Variants in CFAP74 observed in about 807,000 individuals in gnomAD.
CFAP74 encodes the protein cilia- and flagella-associated protein 74.
A neutral mutation model predicts 188.9 loss-of-function variants in CFAP74; 124 were observed. The observed-to-expected ratio is 0.66, with a 90% CI of 0.57 to 0.76. The LOEUF (loss-of-function observed/expected upper bound fraction) is 0.76, where lower values mean the gene tolerates loss of function less well. Ranked by LOEUF, CFAP74 falls within the 30% of genes least tolerant of loss-of-function variation. CFAP74 has a pLI of 0.00. For synonymous variants in CFAP74, 956 were observed against 916.7 expected, an observed-to-expected ratio of 1.04 and a Z score of -0.77; for missense variants, 2,198 against 2,165.2, an observed-to-expected ratio of 1.02 and a Z score of -0.30.
At chr1:1,946,833 G>A (rs966366769) in intron 19 of CFAP74, among the ~76,000 whole-genome samples, 157 bp downstream of exon 19, 6 of 152,242 alleles carry the variant, frequency 3.9e-5, no homozygotes, top group African/African-American at 1.2e-4. Context: ...AGGCCTGGAG[G>A]CTGCAAGTCC....
chr1:1,969,370 G>A (rs1255389092), intron 10 of CFAP74, among the ~76,000 whole-genome samples: 3 of 118,118 alleles, frequency 2.5e-5, no homozygotes, highest in African/African-American at 9.9e-5. Flanking sequence ...GACCTTCCCA[G>A]TCCAGCCCTG....
Position 1,946,392 on chromosome 1 carries a change from G to A in CFAP74, c.2289C>T (p.Ile763=), listed in dbSNP as rs988130762. 41 of 1,537,014 alleles carry A rather than the reference G, an allele frequency of 2.7e-5. No homozygotes were observed. Among genetic ancestry groups the A allele is most frequent in the Non-Finnish European group, 3.4e-5 (39 of 1,146,886 alleles). ...CGCCTGGGACGACCGGAGTGAAGAC[G>A]ATGGGCACCTTGATGGAGCTGAAGG... ...IGPFSSIKVP[I]VFTPVVPGDV... The change falls in exon 20 of 39, where the codon ATC becomes ATT. Residue 763 remains isoleucine (I), a synonymous_variant. Transcript: ENST00000682832.
chr1:1,971,179 ACACG>A (rs1656000029), intron 9 of CFAP74, among the ~76,000 whole-genome samples: 1 of 151,472 alleles, frequency 6.6e-6, no homozygotes, highest in Non-Finnish European at 1.5e-5. Flanking sequence ...ACACCTGCAC[ACACG>A]TGCACAGACG....
chr1:1,940,525 G>A (rs985001805), intron 22 of CFAP74, 122 bp from the exon 23 acceptor site: 3 of 691,300 alleles, frequency 4.3e-6, no homozygotes, highest in African/African-American at 1.8e-5. Context: ...GAACATCAGC[G>A]CTGGGAGACG....
At chr1:1,930,393 G>T in intron 25 of CFAP74, 57 bp from the exon 26 acceptor site, 1 of 1,454,484 alleles carries the variant, frequency 6.9e-7, no homozygotes, top group African/African-American at 1.4e-5. Flanking sequence ...GTCCCTCTGC[G>T]GCAGGCGCGG....
At position 1,973,919 on chromosome 1, in the gene CFAP74, A is replaced by G; in HGVS notation, c.674+106T>C. On this transcript the variant is annotated intron_variant, in intron 7 of 38. Coordinates refer to ENST00000682832, the MANE Select transcript of CFAP74 (RefSeq NM_001304360.2). This position sits in a 1 kb window ranked among gnomAD's most constrained non-coding sequence, Gnocchi z 6.2. ...CAGGGAGGGGTGGAGGTGGATCTGG[A>G]CAGATGTGGAGGGCGAGGCTGAATC... is the stretch of plus-strand genomic sequence containing the variant. 1 of 1,124,540 alleles carries G rather than the reference A, an allele frequency of 8.9e-7. No homozygotes were observed. The highest frequency in any genetic ancestry group is 2.9e-5 in the East Asian group (1 of 34,868). The allele number at this position is 1,124,540 out of a possible 1,614,324, so 69.7% of individuals were successfully genotyped here. A position where few individuals can be genotyped will look rare whatever the true frequency, so the allele number is the denominator to read the frequency against.
intron 13 of CFAP74, 39 bp from the exon 14 acceptor site, chr1:1,963,906 AG>A: frequency 7.3e-7 from 1 of 1,369,770 alleles, no homozygotes; most frequent in Non-Finnish European, 1.0e-6. Context: ...AGCGGGTCAC[AG>A]GGGGCTGTGC....
At position 1,926,533 on chromosome 1, in the gene CFAP74, TCAGGCCCCAGCCC is replaced by T. The variant is rs772996281; in HGVS notation, c.3773-34_3773-22del. The T allele has an allele frequency of 9.0e-6, 14 of 1,549,754 alleles. No individual in the cohort carries two copies. In the South Asian group the frequency reaches 1.4e-4, roughly 16 times the overall value. The stretch of plus-strand genomic sequence containing the variant: ...GTGCCCTGAAATGGGGCAGGGAGCG[TCAGGCCCCAGCCC>T]CAGGCCCCAGGGAGCGTCTCTGCCA... On this transcript the variant is annotated intron_variant, in intron 30 of 38. Coordinates refer to ENST00000682832, the MANE Select transcript of CFAP74 (RefSeq NM_001304360.2).
chr1:1,955,424 T>C (rs3795289), intron 18 of CFAP74: 68,586 of 1,476,818 alleles, frequency 0.046, 9,441 homozygotes, highest in African/African-American at 0.45. Flanking sequence ...CCTGTGCGGC[T>C]CCGCCCGTGC....
rs1256467079 is a variant in CFAP74 at position 1,926,688 on chromosome 1, C to T, written c.3736G>A (p.Gly1246Ser). 6.5e-7 allele frequency: 1 copy of T among 1,550,060 alleles called. No homozygotes were observed. Among genetic ancestry groups the T allele is most frequent in the South Asian group, 1.2e-5 (1 of 84,062 alleles). ...TCGCCGAAGTTAAAGATGGTCTTGC[C>T]TTTATGGGACGTCACCACAACAGAT... is the stretch of plus-strand genomic sequence containing the variant. The part of the protein sequence containing the change: ...APSVVVTSHK[G>S]KTIFNFGDVA... The change falls in exon 30 of 39, where the codon GGC becomes AGC. Residue 1246 changes from glycine (G) to serine (S), a missense_variant. Transcript: ENST00000682832.
Position 1,968,162 on chromosome 1 carries a change from C to A in CFAP74, c.1245+473G>T, listed in dbSNP as rs569141667. ...AATGAAGAAAGAATGAGTGAGTGAACGAATAAAGGATGAGTGAGTGAATGA... is the reference window on the plus strand; with the variant it reads ...AATGAAGAAAGAATGAGTGAGTGAAAGAATAAAGGATGAGTGAGTGAATGA... On this transcript the variant is annotated intron_variant, in intron 11 of 38. Coordinates refer to ENST00000682832, the MANE Select transcript of CFAP74 (RefSeq NM_001304360.2). The surrounding 1 kb of genome is among the most constrained non-coding windows in gnomAD (Gnocchi z 4.3). Among the ~76,000 whole-genome samples, 1 of 151,888 alleles carries A rather than the reference C, an allele frequency of 6.6e-6. No homozygotes were observed. The highest frequency in any genetic ancestry group is 2.1e-4 in the South Asian group (1 of 4,812).
rs148677806 is a variant in CFAP74 at position 1,924,867 on chromosome 1, A to G, written c.4105-347T>C. Among the ~76,000 whole-genome samples the G allele has an allele frequency of 2.3e-3, 353 of 152,280 alleles. 1 individual carries two copies. The highest frequency in any genetic ancestry group is 8.2e-3 in the African/African-American group (340 of 41,556). On this transcript the variant is annotated intron_variant, in intron 33 of 38. Transcript: ENST00000682832. ...CTCCCTGCCCTCACCCCCTCTCCTT[A>G]GAGCACCCTTTCTCCATGCAACGCC...
chr1:1,960,747 G>A (rs1176502767), intron 14 of CFAP74, among the ~76,000 whole-genome samples: 1 of 152,204 alleles, frequency 6.6e-6, no homozygotes, highest in East Asian at 1.9e-4. Context: ...CCTCCAATTG[G>A]GAGGGAAATG....
rs1026647888 is a variant in CFAP74 at position 1,939,596 on chromosome 1, T to C, written c.2875A>G (p.Lys959Glu). The C allele has an allele frequency of 1.3e-6, 2 of 1,535,204 alleles. No homozygotes were observed. The highest frequency in any genetic ancestry group is 2.7e-5 in the African/African-American group (2 of 72,966). Residue 959 changes from lysine (K) to glutamate (E), a missense_variant and splice_region_variant, in exon 24 of 39, where the codon AAG becomes GAG. Lys to Glu is a moderately conservative substitution (Grantham distance 56, BLOSUM62 1). Transcript: ENST00000682832. Reference protein sequence around the residue: ...PQEFGFVRLPKFVDVQPNDGF... With the variant: ...PQEFGFVRLPEFVDVQPNDGF... ...CCAGGCCTGGCTGCAGGAGGTACCT[T>C]GGGAAGCCTGACGAACCCGAACTCC... is the stretch of plus-strand genomic sequence containing the variant.
chr1:1,949,067 CCTTT>C lies in CFAP74; in HGVS notation c.2177-2017_2177-2014del, dbSNP rs1390575011. ...CCTTCCCTCCTTTCCTTCCTTCCTTCCTTTCCTTTCCCTCCTTCCTCCCTCCCTC... is the reference window on the plus strand; with the variant it reads ...CCTTCCCTCCTTTCCTTCCTTCCTTCCCTTTCCCTCCTTCCTCCCTCCCTC... On this transcript the variant is annotated intron_variant, in intron 18 of 38. Coordinates refer to ENST00000682832, the MANE Select transcript of CFAP74 (RefSeq NM_001304360.2). Among the ~76,000 whole-genome samples, 6 of 118,670 alleles carry C rather than the reference CCTTT, an allele frequency of 5.1e-5. 1 individual carries two copies. The highest frequency in any genetic ancestry group is 2.8e-4 in the East Asian group (1 of 3,512). 77.9% of individuals were successfully genotyped at this position (118,670 alleles called of 152,430 possible).
rs991167691 is a variant in CFAP74 at position 1,922,859 on chromosome 1, A to T, written c.4683+126T>A. On this transcript the variant is annotated intron_variant, in intron 37 of 38. Transcript: ENST00000682832. ...TGCCCACCCCACAGCTGCCACAGGA[A>T]GTCCGAGAAAAGCCCGGCTGTCAGG... 1.3e-5 allele frequency: 19 copies of T among 1,481,846 alleles called. No individual in the cohort carries two copies. The Admixed American group carries it at 4.3e-4, about 33-fold the overall frequency. The allele number at this position is 1,481,846 out of a possible 1,614,324, so 91.8% of individuals were successfully genotyped here.
intron 18 of CFAP74, chr1:1,955,487 A>G: frequency 6.3e-7 from 1 of 1,594,922 alleles, no homozygotes; most frequent in Non-Finnish European, 8.6e-7. Context: ...GTTAGCGTCA[A>G]CGTGAATGTA....
At chr1:1,952,643 G>A (rs140748349) in intron 18 of CFAP74, among the ~76,000 whole-genome samples, 30 of 150,886 alleles carry the variant, frequency 2.0e-4, no homozygotes, top group Middle Eastern at 3.4e-3. Context: ...GGAGATAATG[G>A]TTATGAATTA....
intron 25 of CFAP74, among the ~76,000 whole-genome samples, chr1:1,933,260 T>G (rs1455484333): frequency 1.3e-5 from 2 of 150,410 alleles, no homozygotes; most frequent in African/African-American, 4.9e-5. Context: ...CTCGGCTCAC[T>G]GCAAGCTCTG....
Sources: allele counts gnomAD v4.1 joint callset (sites outside exome capture counted in the v4.1 genomes callset), GRCh38; gene constraint gnomAD v4.1.1; non-coding constraint Gnocchi (gnomAD v3.1); transcripts MANE v1.5; gene names NCBI Gene and HGNC (gene_info 2026-07-23, HGNC 2026-07-21).